Variants in COMMD10 observed in about 807,000 individuals in gnomAD.
COMMD10 encodes the protein COMM domain-containing protein 10.
In COMMD10, 33 loss-of-function variants were observed where a neutral mutation model predicts 28.9. That is an observed-to-expected ratio of 1.14 (90% CI 0.87 to 1.53). COMMD10 has a LOEUF of 1.53. Ranked by LOEUF, COMMD10 falls within the 40% of genes most tolerant of loss-of-function variation. The pLI, the probability that COMMD10 is intolerant of heterozygous loss-of-function variation, is 0.00. For missense variants in COMMD10, 310 were observed against 233.4 expected, an observed-to-expected ratio of 1.33 and a Z score of -2.14; for synonymous variants, 110 against 81.7, an observed-to-expected ratio of 1.35 and a Z score of -1.87.
intron 5 of COMMD10, among the ~76,000 whole-genome samples, chr5:116,185,903 G>C (rs187360377): frequency 6.6e-6 from 1 of 152,016 alleles, no homozygotes; most frequent in Admixed American, 6.6e-5. Context: ...TTTCCCATTA[G>C]TCTTCTCTGT....
At chr5:116,202,592 A>T (rs1214770069) in intron 5 of COMMD10, among the ~76,000 whole-genome samples, 2 of 151,866 alleles carry the variant, frequency 1.3e-5, no homozygotes, top group African/African-American at 4.9e-5. Flanking sequence ...GTGGTGTGAG[A>T]TGGTATCTCA....
rs184739696 is a variant in COMMD10, at chr5:116,086,060, C to T, written c.41+967C>T. Among the ~76,000 whole-genome samples the T allele has an allele frequency of 1.7e-3, 263 of 152,178 alleles. 1 individual carries two copies. Among genetic ancestry groups the T allele is most frequent in the African/African-American group, 6.0e-3 (248 of 41,516 alleles). On this transcript the variant is annotated intron_variant, in intron 1 of 6. Coordinates refer to ENST00000274458, the MANE Select transcript of COMMD10 (RefSeq NM_016144.4). Reference sequence around the variant, plus strand: ...TGCTTGAGCATAGGGGCTGAAGGGCCCCTACAGAATTTTTGGGAATTTAAA... The same window carrying T: ...TGCTTGAGCATAGGGGCTGAAGGGCTCCTACAGAATTTTTGGGAATTTAAA...
chr5:116,284,916 G>T (rs1174565335), intron 5 of COMMD10, among the ~76,000 whole-genome samples: 1 of 151,872 alleles, frequency 6.6e-6, no homozygotes, highest in Non-Finnish European at 1.5e-5. Flanking sequence ...TATCTTTGTT[G>T]GGTGGGGGCT....
chr5:116,228,972 A>G (rs868183830), intron 5 of COMMD10, among the ~76,000 whole-genome samples: 42 of 151,978 alleles, frequency 2.8e-4, no homozygotes, highest in Admixed American at 2.8e-3. Context: ...AGATTATTTT[A>G]TCTTCTTGTA....
intron 4 of COMMD10, among the ~76,000 whole-genome samples, chr5:116,103,321 T>C (rs1379174015): frequency 6.6e-6 from 1 of 152,210 alleles, no homozygotes; most frequent in Non-Finnish European, 1.5e-5. Context: ...CCACATCCTC[T>C]TCAGCATCTG....
At chr5:116,216,582 A>C (rs956330632) in intron 5 of COMMD10, among the ~76,000 whole-genome samples, 4 of 152,120 alleles carry the variant, frequency 2.6e-5, no homozygotes, top group Non-Finnish European at 4.4e-5. Flanking sequence ...ACCAGGCTGG[A>C]GTTCAGTGGC....
intron 5 of COMMD10, among the ~76,000 whole-genome samples, chr5:116,157,447 T>C (rs576929096): frequency 6.6e-6 from 1 of 152,300 alleles, no homozygotes; most frequent in East Asian, 1.9e-4. Flanking sequence ...GGGATGATTT[T>C]AATCAGTGGG....
At chr5:116,158,864 C>CTTTTT (rs1752827435) in intron 5 of COMMD10, among the ~76,000 whole-genome samples, 2 of 119,432 alleles carry the variant, frequency 1.7e-5, no homozygotes, top group African/African-American at 4.2e-5. Flanking sequence ...TTTTTTTTTC[C>CTTTTT]CCCCCTGAGG....
intron 5 of COMMD10, among the ~76,000 whole-genome samples, chr5:116,174,539 A>G (rs749714434): frequency 6.6e-6 from 1 of 152,204 alleles, no homozygotes; most frequent in Non-Finnish European, 1.5e-5. Context: ...TTAGTAGAAT[A>G]ACCATTCAGT....
At chr5:116,145,199 A>G (rs927881143) in intron 5 of COMMD10, among the ~76,000 whole-genome samples, 4 of 151,836 alleles carry the variant, frequency 2.6e-5, no homozygotes, top group Non-Finnish European at 5.9e-5. Context: ...GTTATTTTGG[A>G]TATTGGACAA....
intron 4 of COMMD10, among the ~76,000 whole-genome samples, chr5:116,107,943 T>C (rs907359303): frequency 2.0e-5 from 3 of 152,218 alleles, no homozygotes; most frequent in Admixed American, 1.3e-4. Flanking sequence ...CAGGCCCTTC[T>C]GCTGGAGTTT....
At chr5:116,250,982 G>T (rs942476549) in intron 5 of COMMD10, among the ~76,000 whole-genome samples, 1 of 151,928 alleles carries the variant, frequency 6.6e-6, no homozygotes, top group Non-Finnish European at 1.5e-5. Context: ...GGGTTGGGGG[G>T]TGCAGTTTTC....
intron 4 of COMMD10, among the ~76,000 whole-genome samples, chr5:116,111,058 A>G (rs879309879): frequency 6.6e-6 from 1 of 152,190 alleles, no homozygotes; most frequent in African/African-American, 2.4e-5. Context: ...TTTCTAGTTT[A>G]TGAACATGTA....
intron 5 of COMMD10, among the ~76,000 whole-genome samples, chr5:116,277,979 G>A (rs1247870372): frequency 1.3e-5 from 2 of 151,726 alleles, no homozygotes; most frequent in Admixed American, 1.3e-4. Flanking sequence ...TGAATGTTGA[G>A]ATCATAATCT....
At chr5:116,116,622 A>T (rs1252554303) in intron 4 of COMMD10, among the ~76,000 whole-genome samples, 1 of 151,912 alleles carries the variant, frequency 6.6e-6, no homozygotes, top group Non-Finnish European at 1.5e-5. Flanking sequence ...AAATTCACTG[A>T]CTATACGTGG....
intron 5 of COMMD10, among the ~76,000 whole-genome samples, chr5:116,288,676 T>G (rs1326873240): frequency 6.6e-6 from 1 of 151,744 alleles, no homozygotes; most frequent in Non-Finnish European, 1.5e-5. Flanking sequence ...ATAACTTGTC[T>G]GCAAGTTCAC....
At chr5:116,233,524 A>G (rs1022529952) in intron 5 of COMMD10, among the ~76,000 whole-genome samples, 2 of 152,118 alleles carry the variant, frequency 1.3e-5, no homozygotes, top group African/African-American at 4.8e-5. Context: ...AAAAAAGTAA[A>G]ACAACTAGGT....
intron 5 of COMMD10, among the ~76,000 whole-genome samples, chr5:116,181,425 C>T (rs2112596691): frequency 6.7e-6 from 1 of 149,464 alleles, no homozygotes; most frequent in South Asian, 2.2e-4. Context: ...TAAAGCTGAG[C>T]TGGTGTTTTA....
chr5:116,174,062 A>T (rs532564827), intron 5 of COMMD10, among the ~76,000 whole-genome samples: 3 of 152,126 alleles, frequency 2.0e-5, no homozygotes, highest in African/African-American at 7.2e-5. Context: ...TGTATACTCT[A>T]TCAGGTTGTG....
Sources: allele counts gnomAD v4.1 joint callset (sites outside exome capture counted in the v4.1 genomes callset), GRCh38; gene constraint gnomAD v4.1.1; transcripts MANE v1.5; gene names NCBI Gene and HGNC (gene_info 2026-07-23, HGNC 2026-07-21).